Variants in KCNQ5 observed in about 807,000 individuals in gnomAD.
The protein encoded by KCNQ5 is potassium voltage-gated channel subfamily KQT member 5.
In KCNQ5, 30 loss-of-function variants were observed where a neutral mutation model predicts 98.2. The ratio of observed to expected loss-of-function variants is 0.31; its 90% CI spans 0.23 to 0.41. The LOEUF (loss-of-function observed/expected upper bound fraction) is 0.41. Among genes scored for constraint, KCNQ5 ranks in the 10% least tolerant of loss-of-function variants. The probability of loss-of-function intolerance (pLI) is 1.00; values close to 1 mark genes in which losing one functional copy is unlikely to be tolerated. For synonymous variants in KCNQ5, 458 were observed against 449.4 expected (o/e 1.02, Z -0.24); for missense variants, 835 against 1,182.5 (o/e 0.71, Z 4.31).
chr6:72,869,163 T>C (rs962530593), intron 1 of KCNQ5, among the ~76,000 whole-genome samples: 8 of 152,104 alleles, frequency 5.3e-5, no homozygotes, highest in East Asian at 3.8e-4. Context: ...AAAGAAACAA[T>C]GTCAAGAGCC....
Position 73,001,956 on chromosome 6 carries a change from C to T in KCNQ5, c.399-1952C>T, listed in dbSNP as rs1340772792. Among the ~76,000 whole-genome samples the T allele has an allele frequency of 4.6e-5, 7 of 151,298 alleles. No homozygotes were observed. In the East Asian group the frequency reaches 7.9e-4, roughly 17 times the overall value. The stretch of plus-strand genomic sequence containing the variant: ...GCAACATGGTGAGACCCTGTCTCTA[C>T]AAAAAATTTTAAAAAAAATTAGCCA... On this transcript the variant is annotated intron_variant, in intron 1 of 13. Transcript: ENST00000370398.
At chr6:72,826,371 A>G (rs1021973423) in intron 1 of KCNQ5, among the ~76,000 whole-genome samples, 1 of 152,140 alleles carries the variant, frequency 6.6e-6, no homozygotes, top group Non-Finnish European at 1.5e-5. Context: ...AGTGAAAGTC[A>G]GTGTCTTTCT....
chr6:73,080,023 G>A (rs966652534), intron 5 of KCNQ5, among the ~76,000 whole-genome samples: 2 of 152,132 alleles, frequency 1.3e-5, no homozygotes, highest in African/African-American at 4.8e-5. Flanking sequence ...TTTAGCCTGG[G>A]AGCTCATTAT....
intron 8 of KCNQ5, among the ~76,000 whole-genome samples, chr6:73,123,353 T>C (rs949168762): frequency 6.6e-6 from 1 of 152,144 alleles, no homozygotes; most frequent in African/African-American, 2.4e-5. Flanking sequence ...ATCATCAATG[T>C]TACTGTTATC....
chr6:73,054,596 A>C (rs547063626), intron 3 of KCNQ5, among the ~76,000 whole-genome samples: 21 of 152,314 alleles, frequency 1.4e-4, no homozygotes, highest in Admixed American at 1.3e-3. Context: ...CAAAAACCAC[A>C]TGATCATCTC....
At chr6:73,050,249 A>AGGAAGGAG (rs2150364726) in intron 3 of KCNQ5, among the ~76,000 whole-genome samples, 1 of 116,726 alleles carries the variant, frequency 8.6e-6, no homozygotes, top group African/African-American at 3.3e-5. Flanking sequence ...GAAGGAAAGA[A>AGGAAGGAG]GGAAGGAGGG....
At position 73,003,985 on chromosome 6, in the gene KCNQ5, G is replaced by C; in HGVS notation, c.476G>C (p.Cys159Ser). The C allele has an allele frequency of 6.2e-7, 1 of 1,602,614 alleles. No individual in the cohort carries two copies. The highest frequency in any genetic ancestry group is 8.5e-7 in the Non-Finnish European group (1 of 1,169,824). Reference protein sequence around the residue: ...IPEHTKLASSCLLILEFVMIV... With the variant: ...IPEHTKLASSSLLILEFVMIV... ...GAGCACACAAAATTGGCCTCAAGTT[G>C]CCTCTTGATCCTGGTAAGTGAAACA... Residue 159 changes from cysteine (C) to serine (S), a missense_variant, in exon 2 of 14, where the codon TGC becomes TCC. Coordinates refer to ENST00000370398, the MANE Select transcript of KCNQ5 (RefSeq NM_019842.4).
chr6:73,131,188 C>G (rs1012741898), intron 9 of KCNQ5, among the ~76,000 whole-genome samples: 1 of 151,986 alleles, frequency 6.6e-6, no homozygotes, highest in African/African-American at 2.4e-5. Flanking sequence ...TTATTATAAA[C>G]AAACTATGGT....
chr6:73,105,141 C>A (rs1281505797), intron 5 of KCNQ5, 116 bp from the exon 6 acceptor site: 2 of 558,076 alleles, frequency 3.6e-6, no homozygotes, highest in African/African-American at 1.9e-5. Context: ...TAATAAAAAG[C>A]ACGAACAAGA....
At chr6:72,714,535 G>A (rs746304878) in intron 1 of KCNQ5, among the ~76,000 whole-genome samples, 9 of 151,990 alleles carry the variant, frequency 5.9e-5, no homozygotes, top group Admixed American at 1.3e-4. Context: ...TCTCTGATAT[G>A]GCTTAGGAAC....
intron 1 of KCNQ5, among the ~76,000 whole-genome samples, chr6:72,990,706 C>T (rs1179709049): frequency 5.8e-5 from 5 of 85,782 alleles, no homozygotes; most frequent in South Asian, 5.0e-4. Context: ...TGAATAGGAG[C>T]GGTGAGAGAG....
At chr6:72,890,229 G>C (rs1030462086) in intron 1 of KCNQ5, among the ~76,000 whole-genome samples, 3 of 141,250 alleles carry the variant, frequency 2.1e-5, no homozygotes, top group African/African-American at 5.2e-5. Context: ...AGCATACTAA[G>C]CATATTCATC....
chr6:72,971,081 A>C lies in KCNQ5; in HGVS notation c.399-32827A>C, dbSNP rs968981133. Among the ~76,000 whole-genome samples, 316 of 152,342 alleles carry C rather than the reference A, an allele frequency of 2.1e-3. 2 individuals carry two copies. Among genetic ancestry groups the C allele is most frequent in the African/African-American group, 7.3e-3 (305 of 41,578 alleles). On this transcript the variant is annotated intron_variant, in intron 1 of 13. Transcript: ENST00000370398. ...ACAGGCAACCTACAAAATGGGAGAA[A>C]ATTTTTGCAATCTACTCATCTGACA... is the stretch of plus-strand genomic sequence containing the variant.
At chr6:73,176,008 C>T (rs1778198132) in intron 11 of KCNQ5, among the ~76,000 whole-genome samples, 2 of 152,148 alleles carry the variant, frequency 1.3e-5, no homozygotes, top group South Asian at 4.1e-4. Flanking sequence ...CATTAGAAAG[C>T]ACGGGTGATG....
At chr6:72,731,439 CT>C (rs1770547770) in intron 1 of KCNQ5, among the ~76,000 whole-genome samples, 1 of 152,206 alleles carries the variant, frequency 6.6e-6, no homozygotes. Flanking sequence ...TTATTTTTCT[CT>C]CATGTAAATG....
intron 1 of KCNQ5, among the ~76,000 whole-genome samples, chr6:72,673,548 G>A (rs924990570): frequency 2.0e-5 from 3 of 152,090 alleles, no homozygotes; most frequent in African/African-American, 4.8e-5. Flanking sequence ...GAAGAGAGGG[G>A]CAAAGGGAAG....
At chr6:73,116,266 G>A (rs551375114) in intron 7 of KCNQ5, among the ~76,000 whole-genome samples, 1 of 152,236 alleles carries the variant, frequency 6.6e-6, no homozygotes, top group East Asian at 1.9e-4. Context: ...GAGGGGAAGA[G>A]GGCATGTAAG....
intron 1 of KCNQ5, among the ~76,000 whole-genome samples, chr6:72,724,220 G>T (rs1268067609): frequency 6.6e-6 from 1 of 151,964 alleles, no homozygotes; most frequent in Non-Finnish European, 1.5e-5. Flanking sequence ...AAACTTGGTA[G>T]TAATACTACT....
At chr6:73,160,830 C>A (rs1420383840) in intron 10 of KCNQ5, among the ~76,000 whole-genome samples, 1 of 152,116 alleles carries the variant, frequency 6.6e-6, no homozygotes, top group Non-Finnish European at 1.5e-5. Flanking sequence ...GGGTCCTAGC[C>A]TTTGGTTTCT....
Sources: gnomAD v4.1 joint callset for allele counts (sites outside exome capture counted in the v4.1 genomes callset) on GRCh38, gnomAD v4.1.1 for gene constraint, MANE v1.5 for transcripts, NCBI Gene and HGNC (gene_info 2026-07-23, HGNC 2026-07-21) for gene names.